ERAP1: variants seen among roughly 807,000 people sequenced by gnomAD.
ERAP1 encodes adipocyte-derived leucine aminopeptidase.
In ERAP1, 86 loss-of-function variants were observed where a neutral mutation model predicts 103.7. The observed-to-expected ratio is 0.83, with a 90% CI of 0.70 to 0.99. The LOEUF is 0.99. ERAP1 is among the 50% of genes least tolerant of loss of function. ERAP1 has a pLI of 0.00. For missense variants in ERAP1, 1,009 were observed against 1,128.4 expected, an observed-to-expected ratio of 0.89 and a Z score of 1.52; for synonymous variants, 398 against 402.4, an observed-to-expected ratio of 0.99 and a Z score of 0.13.
chr5:96,894,237 A>T, the ERAP1 span, among the ~76,000 whole-genome samples: 1 of 152,232 alleles, frequency 6.6e-6, no homozygotes, highest in Non-Finnish European at 1.5e-5. Context: ...TAAAGTGGCT[A>T]GAATCAGTTT....
intron 13 of ERAP1, chr5:96,784,669 G>A (rs540794897): frequency 6.4e-6 from 1 of 155,602 alleles, no homozygotes; most frequent in South Asian, 1.9e-4. Context: ...GGATTGAGTG[G>A]TGAACTTCTA....
chr5:96,934,490 C>T, the ERAP1 span: 2 of 152,094 alleles, frequency 1.3e-5, no homozygotes, highest in African/African-American at 4.8e-5. Flanking sequence ...GCCTTTGTTA[C>T]CAAAATATGG....
At chr5:96,836,176 G>GTTTTT in the ERAP1 span, among the ~76,000 whole-genome samples, 100 of 106,650 alleles carry the variant, frequency 9.4e-4, 5 homozygotes, top group Non-Finnish European at 1.3e-3. Flanking sequence ...CACCTCTTTG[G>GTTTTT]TTTTTTTTTT....
the ERAP1 span, among the ~76,000 whole-genome samples, chr5:96,905,228 T>G: frequency 6.6e-6 from 1 of 152,142 alleles, no homozygotes; most frequent in Non-Finnish European, 1.5e-5. Context: ...AATGTGAAGT[T>G]GAGAAAAAGG....
chr5:96,896,224 A>G, the ERAP1 span: 1 of 542,732 alleles, frequency 1.8e-6, no homozygotes, highest in Non-Finnish European at 3.2e-6. Context: ...CTTTGGCCAA[A>G]GGGGAATACA....
chr5:96,900,679 T>G, the ERAP1 span, among the ~76,000 whole-genome samples: 4 of 152,098 alleles, frequency 2.6e-5, no homozygotes, highest in African/African-American at 9.6e-5. Context: ...ATACATAAAT[T>G]TATATTTATT....
At chr5:96,766,334 C>T (rs1428882132) in intron 19 of ERAP1, among the ~76,000 whole-genome samples, 4 of 152,196 alleles carry the variant, frequency 2.6e-5, no homozygotes, top group African/African-American at 7.2e-5. Flanking sequence ...ATTATATATG[C>T]ATATGCTAGG....
chr5:96,792,656 T>G (rs534029803), intron 7 of ERAP1, among the ~76,000 whole-genome samples: 2 of 152,224 alleles, frequency 1.3e-5, no homozygotes, highest in Non-Finnish European at 2.9e-5. Flanking sequence ...CATAATCATT[T>G]TTATTACTAA....
At position 96,776,368 on chromosome 5, in the gene ERAP1, T is replaced by C. The variant is rs1266495025; in HGVS notation, c.*28A>G. 6.3e-7 allele frequency: 1 copy of C among 1,596,254 alleles called. No individual in the cohort carries two copies. The highest frequency in any genetic ancestry group is 8.5e-7 in the Non-Finnish European group (1 of 1,170,822). On this transcript the variant is annotated 3_prime_UTR_variant, in exon 19 of 19. Transcript: ENST00000443439. The stretch of plus-strand genomic sequence containing the variant: ...TCAACAAAATGTTGGTGATTAGAGA[T>C]AACAGGAACCTGGCAAGGGAGGAAT...
the ERAP1 span, among the ~76,000 whole-genome samples, chr5:96,840,807 G>T: frequency 6.6e-6 from 1 of 151,962 alleles, no homozygotes; most frequent in African/African-American, 2.4e-5. Flanking sequence ...CCGGGTTCAA[G>T]CGATTCTCCT....
rs2151019477 is a variant in ERAP1, at chr5:96,807,882, A to C, written c.-40T>G. 1 of 985,160 alleles carries C rather than the reference A, an allele frequency of 1.0e-6. No homozygotes were observed. Among genetic ancestry groups the C allele is most frequent in the Non-Finnish European group, 1.2e-6 (1 of 830,196 alleles). The allele number at this position is 985,160 out of a possible 1,614,324, so 61.0% of individuals were successfully genotyped here. On this transcript the variant is annotated 5_prime_UTR_variant, in exon 1 of 19. Coordinates refer to ENST00000443439, the MANE Select transcript of ERAP1 (RefSeq NM_001040458.3). Reference sequence around the variant, plus strand: ...TACCTGGGGTTCTGGGGCCGCCCTCACCCTTGCGCCGCCGCCACCACCACT... The same window carrying C: ...TACCTGGGGTTCTGGGGCCGCCCTCCCCCTTGCGCCGCCGCCACCACCACT...
At chr5:96,773,242 T>A (rs983858554), downstream of ERAP1, 1 of 153,598 alleles carries the variant, frequency 6.5e-6, no homozygotes, top group Admixed American at 6.5e-5. Context: ...CCAAACCCCT[T>A]TTCAGTTTGA....
At chr5:96,896,053 AG>A in the ERAP1 span, among the ~76,000 whole-genome samples, 1 of 152,322 alleles carries the variant, frequency 6.6e-6, no homozygotes, top group Non-Finnish European at 1.5e-5. Context: ...ACAGGATTGC[AG>A]ATGATAGGTC....
the ERAP1 span, among the ~76,000 whole-genome samples, chr5:96,855,264 T>C: frequency 6.6e-6 from 1 of 150,980 alleles, no homozygotes; most frequent in African/African-American, 2.5e-5. Context: ...TGACAACAAA[T>C]GTAACCCTTA....
At chr5:96,817,783 A>G in the ERAP1 span, among the ~76,000 whole-genome samples, 1 of 152,208 alleles carries the variant, frequency 6.6e-6, no homozygotes, top group Non-Finnish European at 1.5e-5. Context: ...CACAAAATGA[A>G]TAGCTCAAGA....
At chr5:96,841,419 T>C in the ERAP1 span, among the ~76,000 whole-genome samples, 1 of 152,222 alleles carries the variant, frequency 6.6e-6, no homozygotes, top group Non-Finnish European at 1.5e-5. Flanking sequence ...CATACTGTTC[T>C]AGTAATGCTT....
the ERAP1 span, among the ~76,000 whole-genome samples, chr5:96,864,337 G>C: frequency 6.6e-6 from 1 of 152,158 alleles, no homozygotes; most frequent in Non-Finnish European, 1.5e-5. Context: ...ATGTGTCTTT[G>C]TGTTTTCCCT....
the ERAP1 span, among the ~76,000 whole-genome samples, chr5:96,828,973 A>C: frequency 6.6e-6 from 1 of 152,012 alleles, no homozygotes; most frequent in Non-Finnish European, 1.5e-5. Context: ...CAGCCTCCCC[A>C]GTAGCTGGGA....
At chr5:96,773,075 A>C, downstream of ERAP1, 1 of 153,772 alleles carries the variant, frequency 6.5e-6, no homozygotes, top group Non-Finnish European at 1.5e-5. Flanking sequence ...CTGATTTCTT[A>C]TTACCCCCTT....
Sources: allele counts gnomAD v4.1 joint callset (sites outside exome capture counted in the v4.1 genomes callset), GRCh38; gene constraint gnomAD v4.1.1; transcripts MANE v1.5; gene names NCBI Gene and HGNC (gene_info 2026-07-23, HGNC 2026-07-21).